The following CFTR variants were observed in gnomAD, a reference collection of about 807,000 sequenced individuals.
CFTR encodes CF transmembrane conductance regulator.
In CFTR, 181 loss-of-function variants were observed where a neutral mutation model predicts 171.6. The ratio of observed to expected loss-of-function variants is 1.05; its 90% CI spans 0.93 to 1.19. The LOEUF (loss-of-function observed/expected upper bound fraction) is 1.19. Among genes scored for constraint, CFTR ranks in the 50% most tolerant of loss-of-function variants. The pLI, the probability that CFTR is intolerant of heterozygous loss-of-function variation, is 0.00. For synonymous variants in CFTR, 583 were observed against 608.0 expected (o/e 0.96, Z 0.60); for missense variants, 1,968 against 1,734.7 (o/e 1.13, Z -2.39).
intron 15 of CFTR, among the ~76,000 whole-genome samples, chr7:117,600,014 T>C (rs984005341): frequency 6.6e-6 from 1 of 152,094 alleles, no homozygotes; most frequent in African/African-American, 2.4e-5. Context: ...CTATTTTTAG[T>C]TTTCCTAAGG....
intron 1 of CFTR, among the ~76,000 whole-genome samples, 189 bp from the exon 2 acceptor site, chr7:117,504,064 A>T (rs1798373826): frequency 6.6e-6 from 1 of 152,098 alleles, no homozygotes. Context: ...TAGTTCAGAG[A>T]TATTGATGTT....
At chr7:117,542,244 A>G in intron 9 of CFTR, 136 bp downstream of exon 9, 1 of 649,688 alleles carries the variant, frequency 1.5e-6, no homozygotes. Flanking sequence ...TCACTCACTT[A>G]TTTTCTAGAT....
chr7:117,642,713 C>A, intron 23 of CFTR, 120 bp downstream of exon 23: 1 of 1,082,012 alleles, frequency 9.2e-7, no homozygotes, highest in Non-Finnish European at 1.4e-6. Flanking sequence ...GCATTGCTGT[C>A]TTTTTTCTCC....
chr7:117,648,035 T>C lies in CFTR; in HGVS notation c.3874-4807T>C, dbSNP rs199777920. ...GTGTGTGTGTGTGTGTATATATATA[T>C]ACACACACACATTATTTATATATAT... On this transcript the variant is annotated intron_variant, in intron 23 of 26. Transcript: ENST00000003084. Among the ~76,000 whole-genome samples the C allele has an allele frequency of 3.9e-4, 58 of 147,358 alleles. No homozygotes were observed. The East Asian group carries it at 0.011, about 27-fold the overall frequency.
At chr7:117,636,582 T>G (rs1437046473) in intron 22 of CFTR, among the ~76,000 whole-genome samples, 3 of 149,748 alleles carry the variant, frequency 2.0e-5, no homozygotes, top group South Asian at 2.2e-4. Flanking sequence ...TTTTTTTCAG[T>G]TTTTTTTTCC....
In CFTR at chr7:117,558,649, A is replaced by G. The variant is rs1403691594; in HGVS notation, c.1393-815A>G. ...CTTCTACTCAGTTTTAGTCAGTAGT[A>G]TTATCTTTTTTCAGATTTATCTTTG... On this transcript the variant is annotated intron_variant, in intron 10 of 26. Coordinates refer to ENST00000003084, the MANE Select transcript of CFTR (RefSeq NM_000492.4). Among the ~76,000 whole-genome samples, 2 of 152,160 alleles carry G rather than the reference A, an allele frequency of 1.3e-5. No homozygotes were observed. Among genetic ancestry groups the G allele is most frequent in the Admixed American group, 6.5e-5 (1 of 15,286 alleles).
At chr7:117,604,351 T>C (rs1792272898) in intron 17 of CFTR, among the ~76,000 whole-genome samples, 1 of 152,190 alleles carries the variant, frequency 6.6e-6, no homozygotes, top group Non-Finnish European at 1.5e-5. Flanking sequence ...AATAAGGTAC[T>C]TTGAAAGAAA....
intron 11 of CFTR, 137 bp from the exon 12 acceptor site, chr7:117,587,602 G>A: frequency 3.3e-6 from 2 of 597,210 alleles, no homozygotes; most frequent in Non-Finnish European, 6.1e-6. Flanking sequence ...TGAAATAATG[G>A]AGATGCAATG....
chr7:117,501,782 A>C (rs1325004067), intron 1 of CFTR, among the ~76,000 whole-genome samples: 20 of 149,592 alleles, frequency 1.3e-4, no homozygotes, highest in Admixed American at 2.6e-4. Flanking sequence ...GAAACAAAAA[A>C]AAAAAAAAAA....
At chr7:117,517,348 G>T (rs1562886155) in intron 3 of CFTR, among the ~76,000 whole-genome samples, 3 of 152,062 alleles carry the variant, frequency 2.0e-5, no homozygotes, top group Non-Finnish European at 4.4e-5. Context: ...GAGAATGATG[G>T]TTTCCAGCTT....
intron 3 of CFTR, among the ~76,000 whole-genome samples, chr7:117,518,311 A>G (rs1798629400): frequency 6.8e-6 from 1 of 147,280 alleles, no homozygotes; most frequent in African/African-American, 2.5e-5. Context: ...AATATATATT[A>G]TAATTATAAT....
At chr7:117,549,839 G>C (rs1359068620) in intron 10 of CFTR, among the ~76,000 whole-genome samples, 1 of 152,058 alleles carries the variant, frequency 6.6e-6, no homozygotes, top group African/African-American at 2.4e-5. Flanking sequence ...AAGGAAGTAG[G>C]AGGAAGGAAG....
intron 10 of CFTR, among the ~76,000 whole-genome samples, chr7:117,549,775 T>C (rs2115907107): frequency 6.7e-6 from 1 of 150,218 alleles, no homozygotes; most frequent in South Asian, 2.1e-4. Flanking sequence ...CCGAATAATC[T>C]AAGACAAACA....
chr7:117,645,546 C>T (rs974592174), intron 23 of CFTR, among the ~76,000 whole-genome samples: 1 of 152,192 alleles, frequency 6.6e-6, no homozygotes, highest in Non-Finnish European at 1.5e-5. Flanking sequence ...GCTACTCCCC[C>T]ACATCAGTCA....
At chr7:117,637,671 G>A (rs1342334107) in intron 22 of CFTR, among the ~76,000 whole-genome samples, 1 of 152,162 alleles carries the variant, frequency 6.6e-6, no homozygotes, top group Non-Finnish European at 1.5e-5. Flanking sequence ...GAGGTCAGGA[G>A]TTCGAGACCA....
intron 21 of CFTR, 138 bp downstream of exon 21, chr7:117,614,851 G>C (rs1448278112): frequency 8.9e-6 from 6 of 675,456 alleles, no homozygotes; most frequent in East Asian, 8.5e-5. Context: ...GAGGGTCACT[G>C]TGTATCTGTC....
At chr7:117,576,670 A>G (rs1451205740) in intron 11 of CFTR, among the ~76,000 whole-genome samples, 2 of 152,130 alleles carry the variant, frequency 1.3e-5, no homozygotes, top group African/African-American at 4.8e-5. Flanking sequence ...GAGGCATCAT[A>G]GTGTCTCAAG....
intron 9 of CFTR, among the ~76,000 whole-genome samples, chr7:117,547,747 C>A (rs1254989648): frequency 6.6e-6 from 1 of 152,132 alleles, no homozygotes; most frequent in Non-Finnish European, 1.5e-5. Context: ...GGTTTTCCTA[C>A]TCCAGAAAGT....
chr7:117,529,674 GA>G (rs1212968282), intron 3 of CFTR, among the ~76,000 whole-genome samples: 1 of 152,130 alleles, frequency 6.6e-6, no homozygotes, highest in Non-Finnish European at 1.5e-5. Context: ...TTCTTGTGGG[GA>G]TGACATTGAT....
Sources: gnomAD v4.1 joint callset for allele counts (sites outside exome capture counted in the v4.1 genomes callset) on GRCh38, gnomAD v4.1.1 for gene constraint, MANE v1.5 for transcripts, NCBI Gene and HGNC (gene_info 2026-07-23, HGNC 2026-07-21) for gene names.